Variants in ATRNL1 observed in about 807,000 individuals in gnomAD.
ATRNL1 encodes attractin-like protein 1.
In ATRNL1, 95 loss-of-function variants were observed where a neutral mutation model predicts 182.7. That is an observed-to-expected ratio of 0.52 (90% CI 0.44 to 0.62). The LOEUF is 0.62. Among genes scored for constraint, ATRNL1 ranks in the 20% least tolerant of loss-of-function variants. ATRNL1 has a pLI of 0.00. For missense variants in ATRNL1, 1,471 were observed against 1,679.5 expected, an observed-to-expected ratio of 0.88 and a Z score of 2.17; for synonymous variants, 576 against 568.3, an observed-to-expected ratio of 1.01 and a Z score of -0.19.
chr10:115,275,069 G>A (rs567621628), intron 13 of ATRNL1, among the ~76,000 whole-genome samples: 130 of 152,226 alleles, frequency 8.5e-4, no homozygotes, highest in Non-Finnish European at 1.7e-3. Flanking sequence ...TATTGCTTTT[G>A]GCTTACCATT....
At chr10:115,614,113 C>T (rs566868096) in intron 26 of ATRNL1, among the ~76,000 whole-genome samples, 2 of 152,046 alleles carry the variant, frequency 1.3e-5, no homozygotes, top group East Asian at 3.9e-4. Flanking sequence ...AGGTGCATCA[C>T]TACATCATTT....
intron 5 of ATRNL1, among the ~76,000 whole-genome samples, chr10:115,157,469 A>C (rs2143968385): frequency 6.6e-6 from 1 of 152,114 alleles, no homozygotes; most frequent in African/African-American, 2.4e-5. Flanking sequence ...TCTATTTATA[A>C]ATGGATTAAT....
At chr10:115,658,309 C>G (rs1285116660) in intron 26 of ATRNL1, among the ~76,000 whole-genome samples, 1 of 151,022 alleles carries the variant, frequency 6.6e-6, no homozygotes, top group Non-Finnish European at 1.5e-5. Flanking sequence ...CCTTTTATAT[C>G]TATATATGAG....
chr10:115,193,760 T>G (rs1288591986), intron 8 of ATRNL1, among the ~76,000 whole-genome samples: 2 of 148,474 alleles, frequency 1.3e-5, no homozygotes, highest in African/African-American at 2.6e-5. Flanking sequence ...TGGTTTGCTC[T>G]TCTCTTTGTG....
intron 26 of ATRNL1, among the ~76,000 whole-genome samples, chr10:115,633,946 A>T (rs1386115866): frequency 6.6e-6 from 1 of 152,086 alleles, no homozygotes; most frequent in Non-Finnish European, 1.5e-5. Context: ...TACCTTTATT[A>T]TCATTATTAT....
intron 24 of ATRNL1, among the ~76,000 whole-genome samples, chr10:115,500,920 C>CTTTTTTTTTTT (rs71010023): frequency 1.8e-5 from 1 of 54,464 alleles, no homozygotes; most frequent in African/African-American, 8.0e-5. Context: ...TCAGGTAAGA[C>CTTTTTTTTTTT]TTTTTTTTTT....
chr10:115,512,667 G>A (rs1047887144), intron 24 of ATRNL1, among the ~76,000 whole-genome samples: 6 of 151,710 alleles, frequency 4.0e-5, no homozygotes, highest in African/African-American at 7.3e-5. Flanking sequence ...TACTGTTCTC[G>A]AGGAGCTTAC....
chr10:115,939,153 A>G (rs1406006839), intron 28 of ATRNL1, among the ~76,000 whole-genome samples: 1 of 152,222 alleles, frequency 6.6e-6, no homozygotes, highest in Non-Finnish European at 1.5e-5. Flanking sequence ...ATTAAAAATA[A>G]GCTTTAAAAA....
At chr10:115,208,341 T>G (rs529021894) in intron 8 of ATRNL1, among the ~76,000 whole-genome samples, 4 of 152,242 alleles carry the variant, frequency 2.6e-5, no homozygotes, top group Middle Eastern at 3.4e-3. Flanking sequence ...TTTCTTTTTG[T>G]TATGAATTAT....
At chr10:115,698,080 C>T (rs1364953595) in intron 26 of ATRNL1, among the ~76,000 whole-genome samples, 1 of 152,050 alleles carries the variant, frequency 6.6e-6, no homozygotes, top group Non-Finnish European at 1.5e-5. Flanking sequence ...TGGGAATTAA[C>T]CCTTTATAGA....
intron 25 of ATRNL1, among the ~76,000 whole-genome samples, chr10:115,524,711 C>G (rs1391528188): frequency 2.0e-5 from 3 of 152,164 alleles, no homozygotes; most frequent in Non-Finnish European, 4.4e-5. Context: ...TACATCAGTT[C>G]TATTTATACA....
rs371456785 is a variant in ATRNL1 at position 115,934,520 on chromosome 10, C to T, written c.4019-10138C>T. On this transcript the variant is annotated intron_variant, in intron 28 of 28. Coordinates refer to ENST00000355044, the MANE Select transcript of ATRNL1 (RefSeq NM_207303.4). Reference sequence around the variant, plus strand: ...CCCACACACCCTGGCCATTCCTGTTCCATCATATGCTTGTGAATACCAATT... The same window carrying T: ...CCCACACACCCTGGCCATTCCTGTTTCATCATATGCTTGTGAATACCAATT... 1.1e-3 allele frequency among the ~76,000 whole-genome samples: 162 copies of T among 152,144 alleles called. 3 individuals carry two copies. The South Asian group carries it at 0.032, about 30-fold the overall frequency.
chr10:115,825,936 G>A (rs1163601708), intron 27 of ATRNL1, among the ~76,000 whole-genome samples: 4 of 152,068 alleles, frequency 2.6e-5, no homozygotes, highest in Non-Finnish European at 5.9e-5. Context: ...TAGCGCAATG[G>A]TGCACTGCTG....
intron 24 of ATRNL1, among the ~76,000 whole-genome samples, chr10:115,470,733 G>T (rs1423696133): frequency 6.6e-6 from 1 of 150,442 alleles, no homozygotes; most frequent in Non-Finnish European, 1.5e-5. Context: ...CAAAATTTGT[G>T]TAACGAGGTT....
chr10:115,333,273 A>G (rs1855320655), intron 18 of ATRNL1, among the ~76,000 whole-genome samples: 1 of 152,186 alleles, frequency 6.6e-6, no homozygotes, highest in Non-Finnish European at 1.5e-5. Context: ...AAAGAGCATG[A>G]GCCTTTCATA....
At chr10:115,498,614 A>G (rs1239765001) in intron 24 of ATRNL1, among the ~76,000 whole-genome samples, 1 of 151,984 alleles carries the variant, frequency 6.6e-6, no homozygotes, top group Non-Finnish European at 1.5e-5. Flanking sequence ...CTAACAGTGA[A>G]AACAGAATAG....
intron 5 of ATRNL1, among the ~76,000 whole-genome samples, chr10:115,141,190 G>T (rs547378641): frequency 4.6e-5 from 7 of 152,146 alleles, no homozygotes; most frequent in African/African-American, 1.7e-4. Context: ...ACTTGCATTT[G>T]TTGTTGTTAT....
chr10:115,203,998 G>A (rs1016588664), intron 8 of ATRNL1, among the ~76,000 whole-genome samples: 32 of 151,736 alleles, frequency 2.1e-4, no homozygotes, highest in African/African-American at 6.8e-4. Flanking sequence ...AGTCTTATTG[G>A]TAGATTATAT....
At chr10:115,811,498 T>G (rs1162642096) in intron 27 of ATRNL1, among the ~76,000 whole-genome samples, 2 of 152,062 alleles carry the variant, frequency 1.3e-5, no homozygotes, top group African/African-American at 4.8e-5. Flanking sequence ...AATGCCATTA[T>G]GTGTTCCACA....
Sources: allele counts gnomAD v4.1 joint callset (sites outside exome capture counted in the v4.1 genomes callset), GRCh38; gene constraint gnomAD v4.1.1; transcripts MANE v1.5; gene names NCBI Gene and HGNC (gene_info 2026-07-23, HGNC 2026-07-21).